RBFOX1: variants seen among roughly 807,000 people sequenced by gnomAD.
RBFOX1 encodes the protein RNA binding fox-1 homolog 1, also known as RNA binding protein fox-1 homolog 1.
Under a neutral mutation model 57.7 loss-of-function variants are expected in RBFOX1, and 8 were observed. The ratio of observed to expected loss-of-function variants is 0.14; its 90% CI spans 0.08 to 0.25. The LOEUF (loss-of-function observed/expected upper bound fraction) is 0.25, where lower values mean the gene tolerates loss of function less well. Ranked by LOEUF, RBFOX1 falls within the 10% of genes least tolerant of loss-of-function variation. The pLI is 1.00. For synonymous variants in RBFOX1, 326 were observed against 222.4 expected (o/e 1.47, Z -4.15); for missense variants, 611 against 548.5 (o/e 1.11, Z -1.14).
At chr16:6,146,168 G>A (rs952728653) in intron 1 of RBFOX1, among the ~76,000 whole-genome samples, 2 of 152,162 alleles carry the variant, frequency 1.3e-5, no homozygotes, top group Admixed American at 1.3e-4. Context: ...GAATTCCCAT[G>A]GGTCTGGTGC....
chr16:7,069,552 A>AT (rs763193096), intron 4 of RBFOX1, among the ~76,000 whole-genome samples: 3 of 152,184 alleles, frequency 2.0e-5, no homozygotes, highest in Non-Finnish European at 4.4e-5. Flanking sequence ...GAACCTCTTC[A>AT]TAAGGGCTAT....
At chr16:6,850,178 CATTCAGTGA>C in intron 3 of RBFOX1, among the ~76,000 whole-genome samples, 2 of 152,280 alleles carry the variant, frequency 1.3e-5, no homozygotes, top group Middle Eastern at 6.8e-3. Flanking sequence ...TTTAGTCCTT[CATTCAGTGA>C]ATTCAGTTGT....
chr16:6,627,568 G>A (rs2098327350), intron 2 of RBFOX1, among the ~76,000 whole-genome samples: 1 of 152,182 alleles, frequency 6.6e-6, no homozygotes, highest in Non-Finnish European at 1.5e-5. Flanking sequence ...CAGGAAGGAT[G>A]AGAAGATAAG....
intron 4 of RBFOX1, among the ~76,000 whole-genome samples, chr16:7,282,076 C>T (rs1331149271): frequency 6.6e-6 from 1 of 151,854 alleles, no homozygotes; most frequent in African/African-American, 2.4e-5. Context: ...TATTTGTTGC[C>T]CAAGCTCAAC....
chr16:5,739,720 C>A (rs2052708277), intron 3 of RBFOX1, among the ~76,000 whole-genome samples: 2 of 152,178 alleles, frequency 1.3e-5, no homozygotes, highest in Non-Finnish European at 2.9e-5. Flanking sequence ...GCCCTTGGGG[C>A]TGGGACAGGA....
chr16:6,542,803 C>G (rs2096842029), intron 2 of RBFOX1, among the ~76,000 whole-genome samples: 1 of 151,978 alleles, frequency 6.6e-6, no homozygotes, highest in Admixed American at 6.6e-5. Context: ...GGACCACAGT[C>G]TTAAGACGCT....
At chr16:5,413,410 T>A (rs1427200331) in intron 1 of RBFOX1, among the ~76,000 whole-genome samples, 1 of 152,188 alleles carries the variant, frequency 6.6e-6, no homozygotes, top group Non-Finnish European at 1.5e-5. Flanking sequence ...ATCCAATACA[T>A]ATCCGTGGTA....
At chr16:5,310,570 C>G (rs1038859881) in intron 1 of RBFOX1, among the ~76,000 whole-genome samples, 1 of 152,104 alleles carries the variant, frequency 6.6e-6, no homozygotes, top group Non-Finnish European at 1.5e-5. Flanking sequence ...GTCATTTTGG[C>G]TGGGCTAGAG....
At chr16:7,000,761 T>C (rs4786957) in intron 3 of RBFOX1, among the ~76,000 whole-genome samples, 64,960 of 151,606 alleles carry the variant, frequency 0.43, 15,423 homozygotes, top group East Asian at 0.85. Context: ...TCCGCCATCA[T>C]GCCTGGCTAA....
At chr16:5,586,348 C>T (rs2046828969) in intron 2 of RBFOX1, among the ~76,000 whole-genome samples, 1 of 152,154 alleles carries the variant, frequency 6.6e-6, no homozygotes, top group African/African-American at 2.4e-5. Context: ...TTAAAGCTCG[C>T]TGGGTGATTA....
Position 6,484,976 on chromosome 16 carries a change from A to T in RBFOX1, c.-64+167919A>T, listed in dbSNP as rs941103908. Among the ~76,000 whole-genome samples, 13 of 152,274 alleles carry T rather than the reference A, an allele frequency of 8.5e-5. No individual in the cohort carries two copies. The South Asian group carries it at 2.7e-3, about 32-fold the overall frequency. On this transcript the variant is annotated intron_variant, in intron 2 of 15. Transcript: ENST00000550418. Reference sequence around the variant, plus strand: ...GTAAATTGTTTGGCTTAAAATGGGGACATCTTTCTCCACTGTGTTCCCTAT... The same window carrying T: ...GTAAATTGTTTGGCTTAAAATGGGGTCATCTTTCTCCACTGTGTTCCCTAT...
intron 2 of RBFOX1, among the ~76,000 whole-genome samples, chr16:6,571,014 C>A (rs955191513): frequency 1.3e-5 from 2 of 152,126 alleles, no homozygotes; most frequent in South Asian, 2.1e-4. Context: ...TCCTGTGGAA[C>A]TGTTAAGGAG....
At chr16:6,898,807 C>G (rs1010376415) in intron 3 of RBFOX1, among the ~76,000 whole-genome samples, 1 of 150,908 alleles carries the variant, frequency 6.6e-6, no homozygotes, top group African/African-American at 2.4e-5. Context: ...GTCTGTATAA[C>G]GTGCATGTGT....
intron 1 of RBFOX1, among the ~76,000 whole-genome samples, chr16:5,269,679 A>G (rs2062956160): frequency 1.3e-5 from 2 of 152,306 alleles, no homozygotes; most frequent in South Asian, 2.1e-4. Flanking sequence ...TGGTAGGGGC[A>G]TGGGAGGATA....
chr16:6,705,418 A>G (rs1483401037), intron 3 of RBFOX1: 2 of 152,162 alleles, frequency 1.3e-5, no homozygotes, highest in East Asian at 1.9e-4. Context: ...AAATACCTAC[A>G]GACATACATA....
At chr16:5,937,122 A>G (rs578188419) in intron 4 of RBFOX1, among the ~76,000 whole-genome samples, 2 of 152,360 alleles carry the variant, frequency 1.3e-5, no homozygotes, top group Admixed American at 1.3e-4. Context: ...AAATAAGGCC[A>G]AAATGTTGCC....
intron 3 of RBFOX1, among the ~76,000 whole-genome samples, chr16:6,913,325 A>G (rs1432537655): frequency 2.6e-5 from 4 of 152,106 alleles, no homozygotes; most frequent in African/African-American, 7.2e-5. Flanking sequence ...TCAACTGGGG[A>G]TAAGGAGAAT....
intron 4 of RBFOX1, among the ~76,000 whole-genome samples, chr16:7,219,031 CG>C (rs1415921538): frequency 6.6e-6 from 1 of 152,098 alleles, no homozygotes; most frequent in Non-Finnish European, 1.5e-5. Flanking sequence ...GAGAAGGGCT[CG>C]GAGCCAGACA....
intron 2 of RBFOX1, among the ~76,000 whole-genome samples, chr16:6,640,863 C>T (rs931810834): frequency 6.6e-6 from 1 of 152,166 alleles, no homozygotes; most frequent in Admixed American, 6.5e-5. Context: ...GGATTAAGGC[C>T]AAGACCCAAA....
Sources: gnomAD v4.1 joint callset for allele counts (sites outside exome capture counted in the v4.1 genomes callset) on GRCh38, gnomAD v4.1.1 for gene constraint, MANE v1.5 for transcripts, NCBI Gene and HGNC (gene_info 2026-07-23, HGNC 2026-07-21) for gene names.